ANO7: variants seen among roughly 807,000 people sequenced by gnomAD.
The protein encoded by ANO7 is anoctamin-7.
Under a neutral mutation model 115.8 loss-of-function variants are expected in ANO7, and 114 were observed. The ratio of observed to expected loss-of-function variants is 0.98; its 90% CI spans 0.85 to 1.15. The LOEUF is 1.15. ANO7 is among the 50% of genes most tolerant of loss of function. ANO7 has a pLI of 0.00. For synonymous variants in ANO7, 550 were observed against 498.2 expected, an observed-to-expected ratio of 1.10 and a Z score of -1.38; for missense variants, 1,302 against 1,201.2, an observed-to-expected ratio of 1.08 and a Z score of -1.24.
chr2:241,236,763 C>G, the ANO7 span: 1 of 1,614,064 alleles, frequency 6.2e-7, no homozygotes, highest in Non-Finnish European at 8.5e-7. Flanking sequence ...TGGCTCTGTA[C>G]TGTGAACTAG....
Position 241,224,116 on chromosome 2 carries a change from C to A in ANO7, c.2603C>A (p.Pro868His), listed in dbSNP as rs2069098416. The A allele has an allele frequency of 6.2e-7, 1 of 1,614,096 alleles. No individual in the cohort carries two copies. The highest frequency in any genetic ancestry group is 1.3e-5 in the African/African-American group (1 of 75,066). ...EGSELSSHWTPFTVPKASQLQ... is the reference protein window; with the variant it reads ...EGSELSSHWTHFTVPKASQLQ... ...CCCCAGCTCAGCTCCCACTGGACAC[C>A]CTTCACGGTTCCCAAGGCCAGCCAG... The change falls in exon 25 of 25, where the codon CCC becomes CAC. Residue 868 changes from proline (P) to histidine (H), a missense_variant. Transcript: ENST00000674324.
rs1221277351 is a variant in ANO7 at position 241,190,191 on chromosome 2, T to C, written c.108+20T>C. On this transcript the variant is annotated intron_variant, in intron 2 of 24. Transcript: ENST00000674324. ...TCGGAGGTAACAGCACCCAGGAGAC[T>C]GTGGTGCGACTTGAGAGGTCCTCCC... is the stretch of plus-strand genomic sequence containing the variant. 6 of 1,544,016 alleles carry C rather than the reference T, an allele frequency of 3.9e-6. No individual in the cohort carries two copies. Among genetic ancestry groups the C allele is most frequent in the African/African-American group, 1.4e-5 (1 of 73,018 alleles).
chr2:241,219,446 T>C (rs1472202250), intron 21 of ANO7, among the ~76,000 whole-genome samples: 4 of 152,216 alleles, frequency 2.6e-5, no homozygotes, highest in African/African-American at 9.6e-5. Flanking sequence ...TCCTGACTTC[T>C]GGTGGATGGG....
chr2:241,220,336 C>G lies in ANO7; in HGVS notation c.2321+1955C>G, dbSNP rs192048816. On this transcript the variant is annotated intron_variant, in intron 21 of 24. Transcript: ENST00000674324. ...AAAAGTATAGGTCGAGTTATTTTCT[C>G]TCAGTTCTTTGGAAATATTATTCTT... Among the ~76,000 whole-genome samples the G allele has an allele frequency of 6.6e-5, 10 of 152,240 alleles. No individual in the cohort carries two copies. In the East Asian group the frequency reaches 1.5e-3, roughly 23 times the overall value.
At chr2:241,222,233 C>CAA (rs2069038410) in intron 21 of ANO7, among the ~76,000 whole-genome samples, 1 of 143,242 alleles carries the variant, frequency 7.0e-6, no homozygotes, top group Non-Finnish European at 1.5e-5. Flanking sequence ...GACTCTGTCT[C>CAA]ATAAATAAAT....
At chr2:241,210,655 C>A in intron 15 of ANO7, 85 bp downstream of exon 15, 1 of 1,044,964 alleles carries the variant, frequency 9.6e-7, no homozygotes, top group Non-Finnish European at 1.5e-6. Flanking sequence ...CACTCACTGA[C>A]ACACATGGCC....
At chr2:241,194,970 C>T (rs946848830) in intron 3 of ANO7, among the ~76,000 whole-genome samples, 2 of 152,184 alleles carry the variant, frequency 1.3e-5, no homozygotes, top group African/African-American at 4.8e-5. Context: ...GCTCAGATTC[C>T]CCAGCACTGT....
At chr2:241,233,526 C>T in the ANO7 span, among the ~76,000 whole-genome samples, 1 of 152,122 alleles carries the variant, frequency 6.6e-6, no homozygotes, top group African/African-American at 2.4e-5. The surrounding 1 kb of genome is among the most constrained non-coding windows in gnomAD (Gnocchi z 4.3). Context: ...GAATGAGCTA[C>T]ACCTGGAGGC....
At chr2:241,190,208 G>C (rs1449999118) in intron 2 of ANO7, 37 bp downstream of exon 2, 1 of 1,524,324 alleles carries the variant, frequency 6.6e-7, no homozygotes, top group Non-Finnish European at 8.9e-7. Flanking sequence ...CGACTTGAGA[G>C]GTCCTCCCCT....
At chr2:241,209,016 G>A (rs1020434233) in intron 11 of ANO7, among the ~76,000 whole-genome samples, 1 of 152,328 alleles carries the variant, frequency 6.6e-6, no homozygotes, top group South Asian at 2.1e-4. Flanking sequence ...GGGCGTGGTG[G>A]CGGGCGCCTG....
At chr2:241,219,505 G>C (rs1308872411) in intron 21 of ANO7, among the ~76,000 whole-genome samples, 2 of 151,592 alleles carry the variant, frequency 1.3e-5, no homozygotes, top group Admixed American at 6.6e-5. Context: ...TGCTTATTTG[G>C]AACCGATGGC....
intron 5 of ANO7, among the ~76,000 whole-genome samples, chr2:241,199,751 C>T (rs1170726343): frequency 4.6e-5 from 7 of 152,204 alleles, no homozygotes; most frequent in Admixed American, 4.6e-4. Context: ...TCCAGGTGAC[C>T]TCAGGAAGAT....
chr2:241,234,488 A>G, the ANO7 span, among the ~76,000 whole-genome samples: 4 of 152,160 alleles, frequency 2.6e-5, no homozygotes, highest in Admixed American at 1.3e-4. Context: ...GCTCCACCCC[A>G]TTCACCAGAC....
Position 241,200,210 on chromosome 2 carries a change from T to G in ANO7, c.539T>G (p.Val180Gly), listed in dbSNP as rs1345123356. ...GAGTACTACTCCTGCCGGTTCAGAG[T>G]GAACAAGCTGCCACGGTAAGGCAGG... ...PPEYYSCRFRVNKLPRFLGSD... is the reference protein window; with the variant it reads ...PPEYYSCRFRGNKLPRFLGSD... The change falls in exon 6 of 25, where the codon GTG (valine) becomes GGG (glycine). Residue 180 changes from valine (V) to glycine (G), a missense_variant. Transcript: ENST00000674324. 1.9e-6 allele frequency: 3 copies of G among 1,612,106 alleles called. No homozygotes were observed. The South Asian group carries it at 3.3e-5, about 18-fold the overall frequency.
downstream of ANO7, chr2:241,230,719 G>A (rs775374393): frequency 2.5e-6 from 4 of 1,586,202 alleles, no homozygotes; most frequent in Non-Finnish European, 3.5e-6. The surrounding 1 kb of genome is among the most constrained non-coding windows in gnomAD (Gnocchi z 5.0). Context: ...TGCCCCCGGT[G>A]AGAGAGGATT....
At chr2:241,192,850 T>C (rs1015971077) in intron 3 of ANO7, among the ~76,000 whole-genome samples, 1 of 151,730 alleles carries the variant, frequency 6.6e-6, no homozygotes, top group African/African-American at 2.4e-5. Context: ...TCCACTTATA[T>C]GAGGTCCCCA....
chr2:241,199,480 C>A (rs915449825), intron 5 of ANO7, 57 bp downstream of exon 5: 25 of 1,558,330 alleles, frequency 1.6e-5, no homozygotes, highest in Non-Finnish European at 2.1e-5. Flanking sequence ...CCACACACTG[C>A]GTTCAGCTGC....
intron 13 of ANO7, 147 bp downstream of exon 13, chr2:241,209,782 C>T: frequency 8.2e-7 from 1 of 1,220,328 alleles, no homozygotes; most frequent in East Asian, 2.6e-5. Context: ...CCCCATGTGC[C>T]CGGGCTCGGC....
In ANO7 at chr2:241,216,220, G is replaced by A; in HGVS notation, c.1954G>A (p.Asp652Asn). The A allele has an allele frequency of 1.2e-6, 2 of 1,606,176 alleles. No homozygotes were observed. The highest frequency in any genetic ancestry group is 1.7e-6 in the Non-Finnish European group (2 of 1,177,408). ...GCTTGTGCCCTGTGAGGGTCTGTTT[G>A]ACGAGTACCTGGAAATGGGTAGGAG... ...YELVPCEGLF[D>N]EYLEMVLQFG... The change falls in exon 19 of 25, where the codon GAC (aspartate) becomes AAC (asparagine). Residue 652 changes from aspartate to asparagine, a missense_variant. Physicochemically the swap from Asp to Asn is conservative, Grantham distance 23. Coordinates refer to ENST00000674324, the MANE Select transcript of ANO7 (RefSeq NM_001370694.2).
Sources: allele counts gnomAD v4.1 joint callset (sites outside exome capture counted in the v4.1 genomes callset), GRCh38; gene constraint gnomAD v4.1.1; non-coding constraint Gnocchi (gnomAD v3.1); transcripts MANE v1.5; gene names NCBI Gene and HGNC (gene_info 2026-07-23, HGNC 2026-07-21).